Variants in ODAD1 observed in about 807,000 individuals in gnomAD.
ODAD1 encodes outer dynein arm-docking complex subunit 1.
In ODAD1, 49 loss-of-function variants were observed where a neutral mutation model predicts 67.2. The ratio of observed to expected loss-of-function variants is 0.73; its 90% CI spans 0.58 to 0.92. The LOEUF (loss-of-function observed/expected upper bound fraction) is 0.92, where lower values mean the gene tolerates loss of function less well. Ranked by LOEUF, ODAD1 falls within the 40% of genes least tolerant of loss-of-function variation. ODAD1 has a pLI of 0.00. For synonymous variants in ODAD1, 345 were observed against 393.7 expected (o/e 0.88, Z 1.46); for missense variants, 897 against 953.7 (o/e 0.94, Z 0.78).
At position 48,296,687 on chromosome 19, in the gene ODAD1, G is replaced by A; in HGVS notation, c.*289C>T. 1 of 1,070,756 alleles carries A rather than the reference G, an allele frequency of 9.3e-7. No individual in the cohort carries two copies. Among genetic ancestry groups the A allele is most frequent in the Non-Finnish European group, 1.2e-6 (1 of 834,582 alleles). 66.3% of individuals were successfully genotyped at this position (1,070,756 alleles called of 1,614,324 possible). On this transcript the variant is annotated 3_prime_UTR_variant, in exon 16 of 16. Coordinates refer to ENST00000674294, the MANE Select transcript of ODAD1 (RefSeq NM_001364171.2). ...CAGGGGGCCAGGGCTCAGCAGACAG[G>A]GAAGGGGCAGATATGGAGACAAGAC...
At chr19:48,321,570 G>C (rs918943740) in intron 1 of ODAD1, 108 bp downstream of exon 1, 1 of 353,554 alleles carries the variant, frequency 2.8e-6, no homozygotes, top group South Asian at 1.5e-4. Flanking sequence ...CGAGGGGCCC[G>C]GTGGAAGGGC....
intron 8 of ODAD1, among the ~76,000 whole-genome samples, chr19:48,305,033 G>A (rs540857200): frequency 3.3e-5 from 5 of 152,314 alleles, no homozygotes; most frequent in African/African-American, 1.2e-4. Flanking sequence ...CAGAGAGAGA[G>A]AAAGAGAGAA....
intron 12 of ODAD1, 112 bp from the exon 13 acceptor site, chr19:48,298,452 A>G: frequency 8.9e-7 from 1 of 1,122,580 alleles, no homozygotes; most frequent in Non-Finnish European, 1.3e-6. Flanking sequence ...GTCAAGGCTC[A>G]GAGACCAAAA....
chr19:48,298,288 G>A lies in ODAD1; in HGVS notation c.1293C>T (p.Asp431=). ...CCATGCTGGTCTTGACCCCAAGGAG[G>A]TCATCGATCATGCTGCTGTCGCAAT... ...KAHCDSSMID[D]LLGVKTSMGD... The change falls in exon 13 of 16, where the codon GAC becomes GAT. Residue 431 remains aspartate, a synonymous_variant. Transcript: ENST00000674294. 6.2e-7 allele frequency: 1 copy of A among 1,614,198 alleles called. No individual in the cohort carries two copies. Among genetic ancestry groups the A allele is most frequent in the South Asian group, 1.1e-5 (1 of 91,086 alleles).
intron 5 of ODAD1, among the ~76,000 whole-genome samples, chr19:48,315,574 T>C (rs114754958): frequency 1.3e-5 from 2 of 152,150 alleles, no homozygotes; most frequent in African/African-American, 2.4e-5. Flanking sequence ...GTAATTGTTA[T>C]GTTTTGACAT....
At chr19:48,319,881 A>G (rs1362883600) in intron 3 of ODAD1, 5 of 184,738 alleles carry the variant, frequency 2.7e-5, no homozygotes, top group Non-Finnish European at 5.2e-5. Context: ...GGCTACTGGT[A>G]TCCAGTGAGT....
chr19:48,311,694 TG>T, intron 6 of ODAD1, 28 bp from the exon 7 acceptor site: 1 of 1,379,796 alleles, frequency 7.2e-7, no homozygotes, highest in South Asian at 1.2e-5. Flanking sequence ...GATGGAAGAG[TG>T]GGTCTGAAGC....
intron 12 of ODAD1, among the ~76,000 whole-genome samples, chr19:48,302,158 A>T (rs1236076052): frequency 6.0e-5 from 9 of 149,890 alleles, no homozygotes; most frequent in Non-Finnish European, 1.3e-4. Context: ...TAGGTCCTGG[A>T]TGGGTAGATA....
chr19:48,301,730 C>T (rs190717545), intron 12 of ODAD1, among the ~76,000 whole-genome samples: 104 of 150,416 alleles, frequency 6.9e-4, no homozygotes, highest in Admixed American at 1.5e-3. Context: ...AGGGATAGAC[C>T]CTGGATGGAT....
intron 7 of ODAD1, among the ~76,000 whole-genome samples, chr19:48,306,603 G>A (rs1968613778): frequency 6.6e-6 from 1 of 152,266 alleles, no homozygotes; most frequent in East Asian, 1.9e-4. Flanking sequence ...GAGATGGAGA[G>A]GAAATGACGT....
chr19:48,310,238 AAAG>A (rs1334648260), intron 7 of ODAD1, among the ~76,000 whole-genome samples: 1 of 152,140 alleles, frequency 6.6e-6, no homozygotes, highest in Non-Finnish European at 1.5e-5. Flanking sequence ...TAGTATCAAA[AAAG>A]AAAAAAAAGA....
intron 8 of ODAD1, among the ~76,000 whole-genome samples, chr19:48,305,116 A>G (rs920707186): frequency 1.3e-5 from 2 of 152,206 alleles, no homozygotes; most frequent in Non-Finnish European, 2.9e-5. Context: ...CAGAAGCCAG[A>G]GAAGAACTTA....
In ODAD1 at chr19:48,321,906, C is replaced by A; in HGVS notation, c.-292G>T. The A allele has an allele frequency of 2.5e-6, 1 of 397,970 alleles. No homozygotes were observed. The highest frequency in any genetic ancestry group is 3.6e-5 in the East Asian group (1 of 28,060). The allele number at this position is 397,970 out of a possible 1,614,324, so 24.7% of individuals were successfully genotyped here. On this transcript the variant is annotated 5_prime_UTR_variant, in exon 1 of 16. Coordinates refer to ENST00000674294, the MANE Select transcript of ODAD1 (RefSeq NM_001364171.2). Reference sequence around the variant, plus strand: ...CAGCGGTTCACTACGCAAGCGCGACCAACGGCTTCCCGGGAAGCAGCCAAA... The same window carrying A: ...CAGCGGTTCACTACGCAAGCGCGACAAACGGCTTCCCGGGAAGCAGCCAAA...
Position 48,297,587 on chromosome 19 carries a change from C to T in ODAD1, c.1581+3G>A. On this transcript the variant is annotated splice_donor_region_variant and intron_variant, in intron 15 of 15. Coordinates refer to ENST00000674294, the MANE Select transcript of ODAD1 (RefSeq NM_001364171.2). ...GCCCCACCCCCGCAGGCCCCACTCT[C>T]ACCAGCTTCTCCACTTGGCTCAGCA... 1 of 1,555,484 alleles carries T rather than the reference C, an allele frequency of 6.4e-7. No homozygotes were observed. The highest frequency in any genetic ancestry group is 1.2e-5 in the South Asian group (1 of 81,450).
Position 48,296,949 on chromosome 19 carries a change from C to T in ODAD1, c.*27G>A. 6.4e-7 allele frequency: 1 copy of T among 1,551,496 alleles called. No homozygotes were observed. The highest frequency in any genetic ancestry group is 8.7e-7 in the Non-Finnish European group (1 of 1,153,860). On this transcript the variant is annotated 3_prime_UTR_variant, in exon 16 of 16. Transcript: ENST00000674294. Reference sequence around the variant, plus strand: ...AAAAAGACCCCACAGAGAGCCAGGGCAGGGTGGGGGCTGCGTGCCCCTCGT... The same window carrying T: ...AAAAAGACCCCACAGAGAGCCAGGGTAGGGTGGGGGCTGCGTGCCCCTCGT...
chr19:48,313,869 G>A (rs945352089), intron 5 of ODAD1, among the ~76,000 whole-genome samples: 1 of 151,662 alleles, frequency 6.6e-6, no homozygotes, highest in South Asian at 2.1e-4. Context: ...GGTGACAGAG[G>A]GAGATCCTGT....
rs147072026 is a variant in ODAD1 at position 48,297,312 on chromosome 19, G to A, written c.1788C>T (p.His596=). 10,394 of 1,613,628 alleles carry A rather than the reference G, an allele frequency of 6.4e-3. 46 individuals are homozygous for A. The highest frequency in any genetic ancestry group is 8.2e-3 in the Non-Finnish European group (9,686 of 1,179,994). Residue 596 remains histidine, a synonymous_variant, in exon 16 of 16, where the codon CAC becomes CAT. Coordinates refer to ENST00000674294, the MANE Select transcript of ODAD1 (RefSeq NM_001364171.2). ...TGGAGCTGAGGCCGCCAAAAGTGAC[G>A]TGGCCAAGAGAGCCACGGTCTCTGC... ...KTSRDRGSLG[H]VTFGGLSSST... is the part of the protein sequence containing the mutation.
chr19:48,302,894 T>C (rs758781406), intron 11 of ODAD1, 32 bp from the exon 12 acceptor site: 8 of 1,519,634 alleles, frequency 5.3e-6, no homozygotes, highest in Middle Eastern at 1.8e-4. Context: ...CTGGGCCAGA[T>C]GGCAGCCTCG....
At chr19:48,317,782 G>A (rs757580544) in intron 5 of ODAD1, among the ~76,000 whole-genome samples, 2 of 151,496 alleles carry the variant, frequency 1.3e-5, no homozygotes, top group East Asian at 2.0e-4. Flanking sequence ...GGGTTTAAAC[G>A]ATTCTCCTGG....
Sources: allele counts gnomAD v4.1 joint callset (sites outside exome capture counted in the v4.1 genomes callset), GRCh38; gene constraint gnomAD v4.1.1; transcripts MANE v1.5; gene names NCBI Gene and HGNC (gene_info 2026-07-23, HGNC 2026-07-21).